AGMO: variants seen among roughly 807,000 people sequenced by gnomAD.
AGMO encodes alkylglycerol monooxygenase, also known as glyceryl-ether monooxygenase.
AGMO carries 75 observed loss-of-function variants against 60.2 expected under a neutral mutation model. The ratio of observed to expected loss-of-function variants is 1.25; its 90% CI spans 1.03 to 1.51. The LOEUF is 1.51. Ranked by LOEUF, AGMO falls within the 40% of genes most tolerant of loss-of-function variation. AGMO has a pLI of 0.00. For missense variants in AGMO, 763 were observed against 525.5 expected, an observed-to-expected ratio of 1.45 and a Z score of -4.42; for synonymous variants, 261 against 177.1, an observed-to-expected ratio of 1.47 and a Z score of -3.76.
chr7:15,297,517 C>T (rs1355744825), intron 12 of AGMO, among the ~76,000 whole-genome samples: 3 of 152,120 alleles, frequency 2.0e-5, no homozygotes, highest in Non-Finnish European at 4.4e-5. Flanking sequence ...AAAAGTTCAA[C>T]TCTTTTTTGA....
At chr7:15,150,481 A>C in the AGMO span, among the ~76,000 whole-genome samples, 8 of 152,086 alleles carry the variant, frequency 5.3e-5, no homozygotes, top group Admixed American at 5.2e-4. Flanking sequence ...ATGTTCCTTC[A>C]ATGGCTAGTT....
At chr7:15,369,441 C>T (rs145308022) in intron 10 of AGMO, among the ~76,000 whole-genome samples, 1 of 152,230 alleles carries the variant, frequency 6.6e-6, no homozygotes, top group Non-Finnish European at 1.5e-5. Context: ...TAAGCCATGC[C>T]AGAAATTTTC....
intron 12 of AGMO, among the ~76,000 whole-genome samples, chr7:15,332,929 G>C (rs1781542052): frequency 6.6e-6 from 1 of 151,726 alleles, no homozygotes; most frequent in Non-Finnish European, 1.5e-5. Context: ...ATGCTTCCTG[G>C]GCATATGAAA....
intron 12 of AGMO, among the ~76,000 whole-genome samples, chr7:15,267,207 T>A (rs1783457915): frequency 6.6e-6 from 1 of 151,940 alleles, no homozygotes; most frequent in Admixed American, 6.6e-5. Context: ...TAATCCTCAT[T>A]ATTTTCTTGC....
chr7:15,188,957 T>C, the AGMO span, among the ~76,000 whole-genome samples: 4 of 152,070 alleles, frequency 2.6e-5, no homozygotes, highest in African/African-American at 9.7e-5. Context: ...GAAACAATAA[T>C]TACAGACAAC....
At chr7:15,318,671 A>C (rs146747387) in intron 12 of AGMO, among the ~76,000 whole-genome samples, 1 of 152,340 alleles carries the variant, frequency 6.6e-6, no homozygotes, top group African/African-American at 2.4e-5. Flanking sequence ...GGATCCATTT[A>C]TGAGGAAATT....
intron 12 of AGMO, among the ~76,000 whole-genome samples, chr7:15,255,235 A>G (rs901724474): frequency 2.6e-5 from 4 of 152,260 alleles, no homozygotes; most frequent in Admixed American, 2.6e-4. Context: ...TAGGGAAGGG[A>G]TAACATTAGG....
chr7:15,275,265 AT>A (rs1407499803), intron 12 of AGMO, among the ~76,000 whole-genome samples: 3 of 151,976 alleles, frequency 2.0e-5, no homozygotes, highest in African/African-American at 7.2e-5. Flanking sequence ...CTCATTCAAG[AT>A]TTTTTTGAAT....
chr7:15,500,480 C>T (rs1028027393), intron 3 of AGMO, among the ~76,000 whole-genome samples: 1 of 151,588 alleles, frequency 6.6e-6, no homozygotes, highest in Non-Finnish European at 1.5e-5. Context: ...ATAAGAGTAT[C>T]GATTCATGTG....
chr7:15,366,982 A>G (rs1203937984), intron 10 of AGMO, among the ~76,000 whole-genome samples: 1 of 152,052 alleles, frequency 6.6e-6, no homozygotes, highest in Non-Finnish European at 1.5e-5. Flanking sequence ...AATTAGAGGA[A>G]AAGCAGATAC....
chr7:15,531,028 C>CATATATATTCTATATATATATTCT lies in AGMO; in HGVS notation c.409+13743_409+13744insAGAATATATATATAGAATATATAT, dbSNP rs1562556502. Among the ~76,000 whole-genome samples, 4 of 14,586 alleles carry CATATATATTCTATATATATATTCT rather than the reference C, an allele frequency of 2.7e-4. 1 individual carries two copies. Among genetic ancestry groups the CATATATATTCTATATATATATTCT allele is most frequent in the African/African-American group, 1.2e-3 (4 of 3,352 alleles). 9.6% of individuals were successfully genotyped at this position (14,586 alleles called of 152,430 possible). The stretch of plus-strand genomic sequence containing the variant: ...TATTCTATATATATTCTATATATTC[C>CATATATATTCTATATATATATTCT]ATATATATTCTATATATATTCTATA... On this transcript the variant is annotated intron_variant, in intron 3 of 12. Coordinates refer to ENST00000342526, the MANE Select transcript of AGMO (RefSeq NM_001004320.2).
intron 3 of AGMO, among the ~76,000 whole-genome samples, chr7:15,475,353 A>G (rs1286924270): frequency 6.6e-6 from 1 of 152,150 alleles, no homozygotes; most frequent in East Asian, 1.9e-4. Context: ...ATGTAATACT[A>G]TGTAGCCACA....
intron 12 of AGMO, among the ~76,000 whole-genome samples, chr7:15,247,899 A>G (rs1473698455): frequency 6.6e-6 from 1 of 151,858 alleles, no homozygotes; most frequent in Non-Finnish European, 1.5e-5. Context: ...AGAAGAGTGC[A>G]TAAAGTACAC....
At chr7:15,371,217 C>T (rs1216145692) in intron 10 of AGMO, among the ~76,000 whole-genome samples, 1 of 151,884 alleles carries the variant, frequency 6.6e-6, no homozygotes, top group Non-Finnish European at 1.5e-5. Flanking sequence ...TATTTAATAA[C>T]AATGTTTTAT....
rs374069619 is a variant in AGMO, at chr7:15,366,016, T to C, written c.1157+124A>G. The C allele has an allele frequency of 7.2e-5, 49 of 676,374 alleles. 1 individual carries two copies. In the East Asian group the frequency reaches 1.2e-3, roughly 16 times the overall value. 41.9% of individuals were successfully genotyped at this position (676,374 alleles called of 1,614,324 possible). A position where few individuals can be genotyped will look rare whatever the true frequency, so the allele number is the denominator to read the frequency against. Reference sequence around the variant, plus strand: ...TTCTCTAAAATAATGAGAAGTCAAATACCAAAATTTTATATTTATTTTTAA... The same window carrying C: ...TTCTCTAAAATAATGAGAAGTCAAACACCAAAATTTTATATTTATTTTTAA... On this transcript the variant is annotated intron_variant, in intron 11 of 12. Coordinates refer to ENST00000342526, the MANE Select transcript of AGMO (RefSeq NM_001004320.2).
At chr7:15,135,662 T>C in the AGMO span, among the ~76,000 whole-genome samples, 1 of 152,124 alleles carries the variant, frequency 6.6e-6, no homozygotes, top group Non-Finnish European at 1.5e-5. Flanking sequence ...CAAAGTCCTA[T>C]TCCTCAGAGG....
the AGMO span, among the ~76,000 whole-genome samples, chr7:15,130,546 C>T: frequency 6.6e-6 from 1 of 151,948 alleles, no homozygotes; most frequent in African/African-American, 2.4e-5. Flanking sequence ...TCTCTAATTG[C>T]TATAAAATGT....
At chr7:15,315,005 C>A (rs1430025639) in intron 12 of AGMO, among the ~76,000 whole-genome samples, 3 of 152,084 alleles carry the variant, frequency 2.0e-5, no homozygotes, top group African/African-American at 7.2e-5. Context: ...ATAATACTAA[C>A]CGCCAGCTGA....
intron 12 of AGMO, among the ~76,000 whole-genome samples, chr7:15,213,927 A>G (rs1781665127): frequency 6.6e-6 from 1 of 152,058 alleles, no homozygotes; most frequent in Non-Finnish European, 1.5e-5. Flanking sequence ...CAAGGACAAC[A>G]GAAATTTCAC....
Sources: gnomAD v4.1 joint callset for allele counts (sites outside exome capture counted in the v4.1 genomes callset) on GRCh38, gnomAD v4.1.1 for gene constraint, MANE v1.5 for transcripts, NCBI Gene and HGNC (gene_info 2026-07-23, HGNC 2026-07-21) for gene names.